The following ADGRL2 variants were observed in gnomAD, a reference collection of about 807,000 sequenced individuals.
ADGRL2 encodes calcium-independent alpha-latrotoxin receptor 2.
Under a neutral mutation model 157.4 loss-of-function variants are expected in ADGRL2, and 44 were observed. That is an observed-to-expected ratio of 0.28 (90% CI 0.22 to 0.36). The LOEUF (loss-of-function observed/expected upper bound fraction) is 0.36. ADGRL2 is among the 10% of genes least tolerant of loss of function. The pLI, the probability that ADGRL2 is intolerant of heterozygous loss-of-function variation, is 1.00. For synonymous variants in ADGRL2, 585 were observed against 624.7 expected (o/e 0.94, Z 0.95); for missense variants, 1,510 against 1,768.9 (o/e 0.85, Z 2.63).
At chr1:81,811,781 G>C (rs2089898110) in intron 1 of ADGRL2, among the ~76,000 whole-genome samples, 1 of 151,272 alleles carries the variant, frequency 6.6e-6, no homozygotes, top group Non-Finnish European at 1.5e-5. Context: ...ATTTAAAATT[G>C]ATCTTTTATC....
intron 2 of ADGRL2, among the ~76,000 whole-genome samples, chr1:81,526,766 C>T (rs1226567460): frequency 6.6e-6 from 1 of 152,162 alleles, no homozygotes; most frequent in Non-Finnish European, 1.5e-5. Flanking sequence ...AGAGGAAAGT[C>T]TATTTCGAAT....
intron 3 of ADGRL2, among the ~76,000 whole-genome samples, chr1:81,613,890 G>A (rs866230161): frequency 2.0e-5 from 3 of 152,188 alleles, no homozygotes; most frequent in Middle Eastern, 6.8e-3. Flanking sequence ...TTTCCTGATG[G>A]AATCTCATTT....
At chr1:81,498,849 T>C (rs909536623) in intron 2 of ADGRL2, among the ~76,000 whole-genome samples, 19 of 152,132 alleles carry the variant, frequency 1.2e-4, no homozygotes, top group African/African-American at 4.3e-4. Flanking sequence ...TTATAAATCC[T>C]GGTTTCCTGT....
At chr1:81,529,959 T>A (rs551761911) in intron 2 of ADGRL2, among the ~76,000 whole-genome samples, 2 of 152,278 alleles carry the variant, frequency 1.3e-5, no homozygotes, top group Admixed American at 1.3e-4. Context: ...GAGGAAGAGA[T>A]GAGGCTCACA....
chr1:81,858,193 TAGC>T (rs1272114602), intron 2 of ADGRL2, among the ~76,000 whole-genome samples: 1 of 152,134 alleles, frequency 6.6e-6, no homozygotes, highest in Admixed American at 6.6e-5. Context: ...TTGGGGATAA[TAGC>T]AGTGTTGGTT....
chr1:81,430,351 G>C (rs2077297856), intron 1 of ADGRL2, among the ~76,000 whole-genome samples: 1 of 152,212 alleles, frequency 6.6e-6, no homozygotes, highest in East Asian at 1.9e-4. Context: ...TCTGTAAAGA[G>C]GGGATTTCAA....
intron 1 of ADGRL2, among the ~76,000 whole-genome samples, chr1:81,382,155 T>C (rs1042816836): frequency 6.6e-6 from 1 of 152,178 alleles, no homozygotes; most frequent in Non-Finnish European, 1.5e-5. Flanking sequence ...ATAATCATAA[T>C]TATATAGTAT....
upstream of ADGRL2, among the ~76,000 whole-genome samples, chr1:81,799,872 C>T (rs2087798357): frequency 9.6e-6 from 1 of 104,344 alleles, no homozygotes; most frequent in Admixed American, 1.1e-4. Context: ...CTGCTTCCAG[C>T]TCAGAAATTT....
chr1:81,803,982 A>T (rs2088727165), intron 1 of ADGRL2, among the ~76,000 whole-genome samples: 1 of 152,206 alleles, frequency 6.6e-6, no homozygotes, highest in Non-Finnish European at 1.5e-5. Flanking sequence ...TCTCTTGCTA[A>T]GTCAGGTTTG....
chr1:81,642,271 T>C (rs1234516799), intron 3 of ADGRL2, among the ~76,000 whole-genome samples: 1 of 112,096 alleles, frequency 8.9e-6, no homozygotes, highest in South Asian at 2.7e-4. Context: ...AAAAAAAAAA[T>C]TAGCCAGGCA....
At chr1:81,475,640 A>T (rs947714099) in intron 2 of ADGRL2, among the ~76,000 whole-genome samples, 11 of 152,178 alleles carry the variant, frequency 7.2e-5, no homozygotes, top group Non-Finnish European at 1.3e-4. Flanking sequence ...TAAAGAGAAA[A>T]GCAAAGATCT....
chr1:81,802,028 C>G (rs888812983), intron 1 of ADGRL2, among the ~76,000 whole-genome samples: 1 of 150,984 alleles, frequency 6.6e-6, no homozygotes, highest in Admixed American at 6.6e-5. Flanking sequence ...CGGCGGCGGC[C>G]GAGCAGGAGG....
At chr1:81,816,928 T>C (rs570029393) in intron 1 of ADGRL2, among the ~76,000 whole-genome samples, 1 of 151,820 alleles carries the variant, frequency 6.6e-6, no homozygotes, top group African/African-American at 2.4e-5. Flanking sequence ...TTGTTAATGG[T>C]ATCTCATGAA....
chr1:81,728,690 C>T (rs929210634), intron 1 of ADGRL2, among the ~76,000 whole-genome samples: 14 of 152,186 alleles, frequency 9.2e-5, no homozygotes, highest in Admixed American at 5.2e-4. Context: ...TGTCTCCTCT[C>T]GCCGAGCATC....
At position 81,748,737 on chromosome 1, in the gene ADGRL2, G is replaced by A. The variant is rs552949182; in HGVS notation, c.-142-13074G>A. 4.0e-5 allele frequency among the ~76,000 whole-genome samples: 6 copies of A among 151,586 alleles called. No individual in the cohort carries two copies. In the South Asian group the frequency reaches 1.0e-3, roughly 26 times the overall value. ...GGCTGGGGTGCAGTGGCATGATCTC[G>A]GCTCAGTGCAACCTCCACCTCCCGG... On this transcript the variant is annotated intron_variant, in intron 1 of 20. Coordinates refer to the ADGRL2 transcript ENST00000359929.
chr1:81,517,347 T>G (rs2079201872), intron 2 of ADGRL2, among the ~76,000 whole-genome samples: 1 of 151,620 alleles, frequency 6.6e-6, no homozygotes, highest in African/African-American at 2.4e-5. Context: ...GGTGCACGCC[T>G]GTAGTCTCAG....
intron 2 of ADGRL2, among the ~76,000 whole-genome samples, chr1:81,471,456 A>G (rs1218922870): frequency 5.3e-5 from 8 of 152,154 alleles, no homozygotes; most frequent in African/African-American, 9.7e-5. Flanking sequence ...TGTCAATACA[A>G]TGTTTATCTG....
upstream of ADGRL2, among the ~76,000 whole-genome samples, chr1:81,695,071 T>C (rs540889082): frequency 5.3e-5 from 8 of 152,260 alleles, no homozygotes; most frequent in South Asian, 1.4e-3. Context: ...TTCCTATTAA[T>C]TCTTTGGTTA....
intron 1 of ADGRL2, among the ~76,000 whole-genome samples, chr1:81,829,398 C>T (rs1243111042): frequency 3.3e-5 from 5 of 152,114 alleles, no homozygotes; most frequent in Admixed American, 3.3e-4. Context: ...TTGAGTTTTA[C>T]TTGTAGACAC....
Sources: allele counts gnomAD v4.1 joint callset (sites outside exome capture counted in the v4.1 genomes callset), GRCh38; gene constraint gnomAD v4.1.1; transcripts MANE v1.5; gene names NCBI Gene and HGNC (gene_info 2026-07-23, HGNC 2026-07-21).